INHBB: variants seen among roughly 807,000 people sequenced by gnomAD.
The protein encoded by INHBB is inhibin beta B chain.
INHBB carries 8 observed loss-of-function variants against 28.9 expected under a neutral mutation model. The ratio of observed to expected loss-of-function variants is 0.28; its 90% CI spans 0.16 to 0.50. The LOEUF (loss-of-function observed/expected upper bound fraction) is 0.50. Among genes scored for constraint, INHBB ranks in the 20% least tolerant of loss-of-function variants. The pLI is 0.98. For missense variants in INHBB, 499 were observed against 597.8 expected (o/e 0.83, Z 1.72); for synonymous variants, 293 against 262.7 (o/e 1.12, Z -1.12).
Position 120,346,461 on chromosome 2 carries a change from G to T in INHBB, c.273G>T (p.Arg91=). Residue 91 remains arginine (R), a synonymous_variant, in exon 1 of 2, where the codon CGG becomes CGT. Transcript: ENST00000295228. ...TGAGCCGCCTGCAGATGCGGGGCCG[G>T]CCCAACATCACGCACGCCGTGCCTA... ...HILSRLQMRG[R]PNITHAVPKA... 6.4e-7 allele frequency: 1 copy of T among 1,558,260 alleles called. No homozygotes were observed.
chr2:120,347,776 T>G (rs1691187477), intron 1 of INHBB, among the ~76,000 whole-genome samples: 1 of 152,084 alleles, frequency 6.6e-6, no homozygotes, highest in African/African-American at 2.4e-5. Flanking sequence ...TGGCCGGGTG[T>G]GGAGAAAAGC....
In INHBB at chr2:120,346,460, G is replaced by C; in HGVS notation, c.272G>C (p.Arg91Pro). ...HILSRLQMRG[R>P]PNITHAVPKA... The stretch of plus-strand genomic sequence containing the variant: ...TTGAGCCGCCTGCAGATGCGGGGCC[G>C]GCCCAACATCACGCACGCCGTGCCT... The change falls in exon 1 of 2, where the codon CGG becomes CCG. Residue 91 changes from arginine (R) to proline (P), a missense_variant. Around this residue, in one of 2 missense-constraint regions of INHBB, gnomAD observed 385 missense variants for 415.2 expected, o/e 0.93. Transcript: ENST00000295228. 3 of 1,557,116 alleles carry C rather than the reference G, an allele frequency of 1.9e-6. No homozygotes were observed. Among genetic ancestry groups the C allele is most frequent in the Non-Finnish European group, 2.6e-6 (3 of 1,159,990 alleles).
chr2:120,349,140 T>G lies in INHBB; in HGVS notation c.490T>G (p.Ser164Ala). The G allele has an allele frequency of 1.2e-6, 2 of 1,612,868 alleles. No homozygotes were observed. Among genetic ancestry groups the G allele is most frequent in the Non-Finnish European group, 1.7e-6 (2 of 1,179,138 alleles). Residue 164 changes from serine (S) to alanine (A), a missense_variant, in exon 2 of 2, where the codon TCC becomes GCC. By Grantham distance (99) the Ser-to-Ala change is moderately conservative. Around this residue, in one of 2 missense-constraint regions of INHBB, gnomAD observed 385 missense variants for 415.2 expected, o/e 0.93. Transcript: ENST00000295228. This position sits in a 1 kb window ranked among gnomAD's most constrained non-coding sequence, Gnocchi z 5.6. ...SSRVRLYFFI[S>A]NEGNQNLFVV... ...CCGGGTCCGCCTATACTTCTTCATC[T>G]CCAACGAAGGCAACCAGAACCTGTT... is the stretch of plus-strand genomic sequence containing the variant.
Position 120,350,198 on chromosome 2 carries a change from A to AT in INHBB, c.*324_*325insT. 3.1e-6 allele frequency: 1 copy of AT among 327,810 alleles called. No individual in the cohort carries two copies. Among genetic ancestry groups the AT allele is most frequent in the Non-Finnish European group, 5.7e-6 (1 of 175,938 alleles). The allele number at this position is 327,810 out of a possible 1,614,324, so 20.3% of individuals were successfully genotyped here. ...GGTGACAAATGGCAGCTTAGCTACA[A>AT]ATGCCTGTCAGTCGGAGAGAATGGG... On this transcript the variant is annotated 3_prime_UTR_variant, in exon 2 of 2. Transcript: ENST00000295228.
At position 120,350,132 on chromosome 2, in the gene INHBB, C is replaced by A. The variant is rs1573389126; in HGVS notation, c.*258C>A. 2 of 483,068 alleles carry A rather than the reference C, an allele frequency of 4.1e-6. No individual in the cohort carries two copies. Among genetic ancestry groups the A allele is most frequent in the South Asian group, 6.0e-5 (2 of 33,184 alleles). The allele number at this position is 483,068 out of a possible 1,614,324, so 29.9% of individuals were successfully genotyped here. A position where few individuals can be genotyped will look rare whatever the true frequency, so the allele number is the denominator to read the frequency against. ...GCCACGCACAGCCAGACGCATCCTGCCACCCACACAGCAGCCTCCAGGATA... is the reference window on the plus strand; with the variant it reads ...GCCACGCACAGCCAGACGCATCCTGACACCCACACAGCAGCCTCCAGGATA... On this transcript the variant is annotated 3_prime_UTR_variant, in exon 2 of 2. Coordinates refer to ENST00000295228, the MANE Select transcript of INHBB (RefSeq NM_002193.4).
chr2:120,346,549 G>A lies in INHBB; in HGVS notation c.361G>A (p.Val121Met), dbSNP rs1291124907. 3.3e-6 allele frequency: 5 copies of A among 1,511,862 alleles called. No individual in the cohort carries two copies. Among genetic ancestry groups the A allele is most frequent in the African/African-American group, 2.9e-5 (2 of 69,368 alleles). 93.7% of individuals were successfully genotyped at this position (1,511,862 alleles called of 1,614,324 possible). Residue 121 changes from valine (V) to methionine (M), a missense_variant, in exon 1 of 2, where the codon GTG becomes ATG. Val to Met is a conservative substitution (Grantham distance 21). Coordinates refer to ENST00000295228, the MANE Select transcript of INHBB (RefSeq NM_002193.4). ...HAGKVREDGR[V>M]EIPHLDGHAS... ...GGGCAAGGTGCGCGAGGACGGCCGC[G>A]TGGAGATCCCGCACCTCGACGGCCA...
chr2:120,346,921 T>C (rs1691166532), intron 1 of INHBB, among the ~76,000 whole-genome samples: 1 of 152,070 alleles, frequency 6.6e-6, no homozygotes, highest in African/African-American at 2.4e-5. Flanking sequence ...TGGGCGCGCG[T>C]CCCCCTCCCG....
chr2:120,351,192 T>A lies in INHBB; in HGVS notation c.*1318T>A, dbSNP rs1691252125. ...GCCGAACTCGCTCGCCCTCTAGATG[T>A]CCAAGTGCCACGTGAACTATGCAAT... On this transcript the variant is annotated 3_prime_UTR_variant, in exon 2 of 2. Transcript: ENST00000295228. 1 of 152,652 alleles carries A rather than the reference T, an allele frequency of 6.6e-6. No homozygotes were observed. The highest frequency in any genetic ancestry group is 2.4e-5 in the African/African-American group (1 of 41,454). 9.5% of individuals were successfully genotyped at this position (152,652 alleles called of 1,614,324 possible). A position where few individuals can be genotyped will look rare whatever the true frequency, so the allele number is the denominator to read the frequency against.
At chr2:120,347,240 A>C (rs1691173572) in intron 1 of INHBB, among the ~76,000 whole-genome samples, 1 of 152,146 alleles carries the variant, frequency 6.6e-6, no homozygotes, top group Admixed American at 6.5e-5. Flanking sequence ...AATCGGGCGG[A>C]AGGCAGGCTT....
At position 120,349,945 on chromosome 2, in the gene INHBB, G is replaced by A. The variant is rs555644278; in HGVS notation, c.*71G>A. On this transcript the variant is annotated 3_prime_UTR_variant, in exon 2 of 2. Transcript: ENST00000295228. This position sits in a 1 kb window ranked among gnomAD's most constrained non-coding sequence, Gnocchi z 5.6. ...GGGTGGGCTTCTTCCAGCCCCCGCGGGAACGGGGGTACACGGTGGGCTGAG... is the reference window on the plus strand; with the variant it reads ...GGGTGGGCTTCTTCCAGCCCCCGCGAGAACGGGGGTACACGGTGGGCTGAG... 1.0e-5 allele frequency: 15 copies of A among 1,468,298 alleles called. No individual in the cohort carries two copies. In the African/African-American group the frequency reaches 1.9e-4, roughly 19 times the overall value. The allele number at this position is 1,468,298 out of a possible 1,614,324, so 91.0% of individuals were successfully genotyped here.
rs749786512 is a variant in INHBB at position 120,349,048 on chromosome 2, G to C, written c.449-51G>C. On this transcript the variant is annotated intron_variant, in intron 1 of 1. Transcript: ENST00000295228. The surrounding 1 kb of genome is among the most constrained non-coding windows in gnomAD (Gnocchi z 5.6). ...CAGCAGAGAGTGTGTTTCCCCCATT[G>C]CCTTGTGTTCTCCTTGAATTAACTT... 2 of 1,544,284 alleles carry C rather than the reference G, an allele frequency of 1.3e-6. No individual in the cohort carries two copies. Among genetic ancestry groups the C allele is most frequent in the Non-Finnish European group, 1.8e-6 (2 of 1,142,456 alleles).
At chr2:120,347,730 G>A (rs1198782163) in intron 1 of INHBB, among the ~76,000 whole-genome samples, 1 of 152,224 alleles carries the variant, frequency 6.6e-6, no homozygotes, top group African/African-American at 2.4e-5. Context: ...CAGGCAGCAG[G>A]CAGCCCGGGG....
At position 120,346,411 on chromosome 2, in the gene INHBB, C is replaced by T. The variant is rs1313526997; in HGVS notation, c.223C>T (p.Leu75=). 3.2e-6 allele frequency: 5 copies of T among 1,546,560 alleles called. No homozygotes were observed. The highest frequency in any genetic ancestry group is 4.3e-6 in the Non-Finnish European group (5 of 1,153,552). ...GCTCGGCCGAGTGGACGGCGACTTC[C>T]TGGAGGCGGTGAAGCGGCACATCTT... ...EELGRVDGDF[L]EAVKRHILSR... is the part of the protein sequence containing the mutation. The change falls in exon 1 of 2, where the codon CTG becomes TTG. Residue 75 remains leucine (L), a synonymous_variant. Transcript: ENST00000295228.
intron 1 of INHBB, among the ~76,000 whole-genome samples, chr2:120,347,400 C>A (rs1007393515): frequency 4.7e-5 from 7 of 148,848 alleles, no homozygotes; most frequent in South Asian, 2.1e-4. Context: ...AATCCGCCCC[C>A]CCCCCCGGCC....
Position 120,349,120 on chromosome 2 carries a change from T to C in INHBB, c.470T>C (p.Val157Ala). 1 of 1,604,452 alleles carries C rather than the reference T, an allele frequency of 6.2e-7. No homozygotes were observed. Among genetic ancestry groups the C allele is most frequent in the Non-Finnish European group, 8.5e-7 (1 of 1,173,262 alleles). Residue 157 changes from valine (V) to alanine (A), a missense_variant, in exon 2 of 2, where the codon GTC becomes GCC. Coordinates refer to ENST00000295228, the MANE Select transcript of INHBB (RefSeq NM_002193.4). This position sits in a 1 kb window ranked among gnomAD's most constrained non-coding sequence, Gnocchi z 5.6. The stretch of plus-strand genomic sequence containing the variant: ...GCAGATGGCCTCGCCTCCTCCCGGG[T>C]CCGCCTATACTTCTTCATCTCCAAC... ...AETDGLASSR[V>A]RLYFFISNEG...
At position 120,346,305 on chromosome 2, in the gene INHBB, GCCGCCACCC is replaced by G. The variant is rs1207517277; in HGVS notation, c.127_135del (p.Pro43_Pro45del). On this transcript the variant is annotated inframe_deletion, in exon 1 of 2. Coordinates refer to ENST00000295228, the MANE Select transcript of INHBB (RefSeq NM_002193.4). Reference sequence around the variant, plus strand: ...CGCCCCCGCCGACGCCTGCCGCGCCGCCGCCACCCCCGCCACCCGGATCCCCGGGTGGCT... The same window carrying G: ...CGCCCCCGCCGACGCCTGCCGCGCCGCCGCCACCCGGATCCCCGGGTGGCT... 2.9e-6 allele frequency: 4 copies of G among 1,377,532 alleles called. No individual in the cohort carries two copies. The highest frequency in any genetic ancestry group is 3.7e-5 in the Admixed American group (1 of 27,186). The allele number at this position is 1,377,532 out of a possible 1,614,324, so 85.3% of individuals were successfully genotyped here.
intron 1 of INHBB, among the ~76,000 whole-genome samples, chr2:120,347,808 G>A (rs1191940478): frequency 6.6e-6 from 1 of 152,242 alleles, no homozygotes; most frequent in Non-Finnish European, 1.5e-5. Flanking sequence ...GGGCTGGTTT[G>A]TGCTTAGAAA....
chr2:120,347,712 C>A (rs1179816476), intron 1 of INHBB, among the ~76,000 whole-genome samples: 2 of 152,190 alleles, frequency 1.3e-5, no homozygotes, highest in South Asian at 2.1e-4. Flanking sequence ...AAATGCCCCC[C>A]ACCCCACCAG....
rs1485189534 is a variant in INHBB at position 120,350,844 on chromosome 2, C to T, written c.*970C>T. The T allele has an allele frequency of 6.6e-6, 1 of 152,460 alleles. No individual in the cohort carries two copies. Among genetic ancestry groups the T allele is most frequent in the Non-Finnish European group, 1.5e-5 (1 of 68,060 alleles). 9.4% of individuals were successfully genotyped at this position (152,460 alleles called of 1,614,324 possible). On this transcript the variant is annotated 3_prime_UTR_variant, in exon 2 of 2. Transcript: ENST00000295228. The stretch of plus-strand genomic sequence containing the variant: ...TGGTTTGGGGACGGGTGGGAATGAC[C>T]CCTAGGCAAGGGGATGAGACCGCAG...
Sources: gnomAD v4.1 joint callset for allele counts (sites outside exome capture counted in the v4.1 genomes callset) on GRCh38, gnomAD v4.1.1 for gene constraint, gnomAD v4.1.1 regional missense constraint, Gnocchi (gnomAD v3.1) non-coding constraint, MANE v1.5 for transcripts, NCBI Gene and HGNC (gene_info 2026-07-23, HGNC 2026-07-21) for gene names.